ATP4B: variants seen among roughly 807,000 people sequenced by gnomAD.
ATP4B encodes the protein ATPase H+/K+ transporting subunit beta, also known as potassium-transporting ATPase subunit beta.
In ATP4B, 27 loss-of-function variants were observed where a neutral mutation model predicts 35.3. The observed-to-expected ratio is 0.76, with a 90% CI of 0.56 to 1.05. The LOEUF (loss-of-function observed/expected upper bound fraction) is 1.05, where lower values mean the gene tolerates loss of function less well. ATP4B is among the 50% of genes least tolerant of loss of function. The pLI is 0.00. For missense variants in ATP4B, 375 were observed against 384.8 expected, an observed-to-expected ratio of 0.97 and a Z score of 0.21; for synonymous variants, 162 against 156.0, an observed-to-expected ratio of 1.04 and a Z score of -0.29.
intron 4 of ATP4B, among the ~76,000 whole-genome samples, chr13:113,652,067 C>T (rs541134801): frequency 7.2e-5 from 11 of 152,320 alleles, no homozygotes; most frequent in South Asian, 2.1e-4. Context: ...GAGCACGGGC[C>T]GGCCTGCCTC....
chr13:113,651,471 G>GC lies in ATP4B; in HGVS notation c.612+199dup, dbSNP rs574066713. Among the ~76,000 whole-genome samples, 326 of 152,336 alleles carry GC rather than the reference G, an allele frequency of 2.1e-3. 2 individuals are homozygous for GC. The highest frequency in any genetic ancestry group is 7.4e-3 in the African/African-American group (308 of 41,590). On this transcript the variant is annotated intron_variant, in intron 5 of 6. Coordinates refer to ENST00000335288, the MANE Select transcript of ATP4B (RefSeq NM_000705.4). Reference sequence around the variant, plus strand: ...TCTGGAAGCCAAACAATAAGAAAAAGCCCCATTGTTTCCCTTGCTGGGTTT... The same window carrying GC: ...TCTGGAAGCCAAACAATAAGAAAAAGCCCCCATTGTTTCCCTTGCTGGGTTT...
Position 113,653,314 on chromosome 13 carries a change from A to T in ATP4B, c.355+7T>A, listed in dbSNP as rs1484213847. ...CTTCACACCTCACCTGCCGTTTCAC[A>T]CCTCACCTGCTAGGAAGGCGTGGAG... is the stretch of plus-strand genomic sequence containing the variant. On this transcript the variant is annotated splice_region_variant and intron_variant, in intron 3 of 6. Transcript: ENST00000335288. 2 of 1,611,102 alleles carry T rather than the reference A, an allele frequency of 1.2e-6. No individual in the cohort carries two copies. Among genetic ancestry groups the T allele is most frequent in the Admixed American group, 1.7e-5 (1 of 59,900 alleles).
intron 2 of ATP4B, 102 bp downstream of exon 2, chr13:113,654,712 T>G: frequency 1.4e-6 from 2 of 1,479,428 alleles, no homozygotes; most frequent in Non-Finnish European, 1.8e-6. Flanking sequence ...TTCCCTGGGC[T>G]TCATTTCTGG....
Position 113,657,233 on chromosome 13 carries a change from T to C in ATP4B, c.112+800A>G, listed in dbSNP as rs980255627. 2.0e-5 allele frequency among the ~76,000 whole-genome samples: 3 copies of C among 152,148 alleles called. No homozygotes were observed. The South Asian group carries it at 6.2e-4, about 32-fold the overall frequency. Reference sequence around the variant, plus strand: ...CCCCCAGAGCCGGGCACCGTGGGAATTGAGGAGGGCCTGACCTTCCCTGGG... The same window carrying C: ...CCCCCAGAGCCGGGCACCGTGGGAACTGAGGAGGGCCTGACCTTCCCTGGG... On this transcript the variant is annotated intron_variant, in intron 1 of 6. Transcript: ENST00000335288.
chr13:113,649,297 C>T lies in ATP4B; in HGVS notation c.*77G>A, dbSNP rs370396682. The T allele has an allele frequency of 2.2e-4, 322 of 1,493,850 alleles. No homozygotes were observed. The highest frequency in any genetic ancestry group is 2.4e-4 in the Middle Eastern group (1 of 4,188). The allele number at this position is 1,493,850 out of a possible 1,614,324, so 92.5% of individuals were successfully genotyped here. On this transcript the variant is annotated 3_prime_UTR_variant, in exon 7 of 7. Transcript: ENST00000335288. This position sits in a 1 kb window ranked among gnomAD's most constrained non-coding sequence, Gnocchi z 4.7. ...TGGGGATGATTTGGCAGGGAACTGA[C>T]GGGCAAGGTAAGCCCAACCAGGAGG...
intron 1 of ATP4B, among the ~76,000 whole-genome samples, chr13:113,656,682 C>T (rs2140706231): frequency 6.6e-6 from 1 of 152,294 alleles, no homozygotes; most frequent in East Asian, 1.9e-4. Context: ...TGTCCTATTC[C>T]TTTTGTTTTT....
intron 1 of ATP4B, 48 bp from the exon 2 acceptor site, chr13:113,654,990 G>T: frequency 1.2e-6 from 2 of 1,609,704 alleles, no homozygotes; most frequent in Non-Finnish European, 1.7e-6. Context: ...CCATTTTAAC[G>T]CACACAATTC....
At chr13:113,652,652 G>C (rs1351617228) in intron 4 of ATP4B, 1 of 650,140 alleles carries the variant, frequency 1.5e-6, no homozygotes, top group Non-Finnish European at 2.8e-6. Flanking sequence ...GTTTTAGAGG[G>C]CCGGCTATGT....
At chr13:113,657,095 C>T (rs1179017053) in intron 1 of ATP4B, among the ~76,000 whole-genome samples, 2 of 152,198 alleles carry the variant, frequency 1.3e-5, no homozygotes, top group African/African-American at 4.8e-5. Flanking sequence ...TTCACCAGCA[C>T]TGTGGTGAGT....
At chr13:113,656,925 G>A (rs1427038373) in intron 1 of ATP4B, among the ~76,000 whole-genome samples, 1 of 152,070 alleles carries the variant, frequency 6.6e-6, no homozygotes, top group East Asian at 1.9e-4. Context: ...TCCCCATCCT[G>A]GCCTCCCGCT....
chr13:113,652,802 G>A (rs1566688406), intron 4 of ATP4B, 71 bp downstream of exon 4: 29 of 1,540,236 alleles, frequency 1.9e-5, no homozygotes, highest in Admixed American at 3.6e-5. Flanking sequence ...TGTGCTCCTC[G>A]TGGTGGGTGT....
At chr13:113,655,227 C>A (rs2049744941) in intron 1 of ATP4B, among the ~76,000 whole-genome samples, 1 of 152,200 alleles carries the variant, frequency 6.6e-6, no homozygotes, top group Non-Finnish European at 1.5e-5. Flanking sequence ...TTCACTCCAG[C>A]CGCTGTTTGA....
intron 1 of ATP4B, 90 bp downstream of exon 1, chr13:113,657,943 C>T (rs2049768302): frequency 8.9e-7 from 1 of 1,119,338 alleles, no homozygotes; most frequent in South Asian, 1.4e-5. Flanking sequence ...GTCAGGGGCC[C>T]TCTGCTCCCC....
chr13:113,654,783 A>T, intron 2 of ATP4B, 31 bp downstream of exon 2: 2 of 1,607,162 alleles, frequency 1.2e-6, no homozygotes, highest in Non-Finnish European at 1.7e-6. Context: ...GGCCTGTCAC[A>T]CGGCATGGGG....
rs755310816 is a variant in ATP4B at position 113,649,223 on chromosome 13, C to A, written c.*151G>T. 5.1e-6 allele frequency: 4 copies of A among 789,268 alleles called. No homozygotes were observed. The highest frequency in any genetic ancestry group is 3.6e-5 in the African/African-American group (2 of 54,854). 48.9% of individuals were successfully genotyped at this position (789,268 alleles called of 1,614,324 possible). A position where few individuals can be genotyped will look rare whatever the true frequency, so the allele number is the denominator to read the frequency against. Reference sequence around the variant, plus strand: ...CGCGAGCAGGTCCTTCAGATGTGGGCGCTTCTCTGGAGTTCGCACACTGAC... The same window carrying A: ...CGCGAGCAGGTCCTTCAGATGTGGGAGCTTCTCTGGAGTTCGCACACTGAC... On this transcript the variant is annotated 3_prime_UTR_variant, in exon 7 of 7. Transcript: ENST00000335288. This position sits in a 1 kb window ranked among gnomAD's most constrained non-coding sequence, Gnocchi z 4.7.
rs1433338082 is a variant in ATP4B at position 113,653,415 on chromosome 13, A to G, written c.261T>C (p.Asp87=). 3 of 1,614,200 alleles carry G rather than the reference A, an allele frequency of 1.9e-6. No individual in the cohort carries two copies. Among genetic ancestry groups the G allele is most frequent in the South Asian group, 1.1e-5 (1 of 91,086 alleles). The stretch of plus-strand genomic sequence containing the variant: ...TTTCCAGGCCTTTCTCCCCGTAAAC[A>G]TCCGGCCTTAAGGTTACCCCTGGAG... The part of the protein sequence containing the change: ...LRSPGVTLRP[D]VYGEKGLEIV... Residue 87 remains aspartate (D), a synonymous_variant, in exon 3 of 7, where the codon GAT becomes GAC. Coordinates refer to ENST00000335288, the MANE Select transcript of ATP4B (RefSeq NM_000705.4).
intron 1 of ATP4B, among the ~76,000 whole-genome samples, chr13:113,657,218 C>T (rs546704216): frequency 4.6e-5 from 7 of 152,226 alleles, no homozygotes; most frequent in South Asian, 4.1e-4. Flanking sequence ...CCCCCAGAGC[C>T]GGGCACCGTG....
Position 113,653,383 on chromosome 13 carries a change from T to C in ATP4B, c.293A>G (p.Tyr98Cys). Residue 98 changes from tyrosine (Y) to cysteine (C), a missense_variant, in exon 3 of 7, where the codon TAC (tyrosine) becomes TGC (cysteine). Tyr to Cys is a radical substitution (Grantham distance 194). Transcript: ENST00000335288. ...VYGEKGLEIV[Y>C]NVSDNRTWAD... ...CCAGGTTCTGTTATCAGAGACGTTG[T>C]AGACAATTTCCAGGCCTTTCTCCCC... The C allele has an allele frequency of 6.2e-7, 1 of 1,614,248 alleles. No individual in the cohort carries two copies. The highest frequency in any genetic ancestry group is 8.5e-7 in the Non-Finnish European group (1 of 1,180,048).
At chr13:113,655,320 CA>C (rs1348662403) in intron 1 of ATP4B, among the ~76,000 whole-genome samples, 1 of 152,170 alleles carries the variant, frequency 6.6e-6, no homozygotes, top group African/African-American at 2.4e-5. Context: ...TCCCCCATCA[CA>C]GGAAGGGAAA....
Sources: gnomAD v4.1 joint callset for allele counts (sites outside exome capture counted in the v4.1 genomes callset) on GRCh38, gnomAD v4.1.1 for gene constraint, Gnocchi (gnomAD v3.1) non-coding constraint, MANE v1.5 for transcripts, NCBI Gene and HGNC (gene_info 2026-07-23, HGNC 2026-07-21) for gene names.